PITPNM2: variants seen among roughly 807,000 people sequenced by gnomAD.
PITPNM2 encodes the protein phosphatidylinositol transfer protein membrane associated 2.
PITPNM2 carries 35 observed loss-of-function variants against 132.2 expected under a neutral mutation model. The observed-to-expected ratio is 0.26, with a 90% confidence interval of 0.20 to 0.35. The LOEUF (loss-of-function observed/expected upper bound fraction) is 0.35, where lower values mean the gene tolerates loss of function less well. PITPNM2 is among the 10% of genes least tolerant of loss of function. The probability of loss-of-function intolerance (pLI) is 1.00; values close to 1 mark genes in which losing one functional copy is unlikely to be tolerated. For missense variants in PITPNM2, 1,332 were observed against 1,912.0 expected, an observed-to-expected ratio of 0.70 and a Z score of 5.66; for synonymous variants, 738 against 799.2, an observed-to-expected ratio of 0.92 and a Z score of 1.29.
At chr12:123,068,242 C>T (rs557899063) in intron 2 of PITPNM2, among the ~76,000 whole-genome samples, 259 of 152,136 alleles carry the variant, frequency 1.7e-3, no homozygotes, top group African/African-American at 5.7e-3. Flanking sequence ...CCAAGGTGGG[C>T]GGATCACAAA....
chr12:123,142,424 T>C (rs1248168213), intron 1 of PITPNM2, among the ~76,000 whole-genome samples: 1 of 152,252 alleles, frequency 6.6e-6, no homozygotes, highest in Non-Finnish European at 1.5e-5. Context: ...TCTCGAGTGA[T>C]GCATGCCCAA....
intron 2 of PITPNM2, chr12:123,089,117 C>CAAAA (rs1241583159): frequency 6.6e-6 from 1 of 152,198 alleles, no homozygotes; most frequent in Non-Finnish European, 1.5e-5. Context: ...ACAAGGCACA[C>CAAAA]AAAAAGCCTA....
At chr12:123,139,793 G>C (rs1041255178) in intron 1 of PITPNM2, among the ~76,000 whole-genome samples, 3 of 152,188 alleles carry the variant, frequency 2.0e-5, no homozygotes, top group African/African-American at 7.2e-5. Context: ...CCAGCCCTGA[G>C]ACCTCATTGT....
chr12:123,126,566 G>A (rs978331678), intron 1 of PITPNM2, among the ~76,000 whole-genome samples: 1 of 152,186 alleles, frequency 6.6e-6, no homozygotes, highest in Non-Finnish European at 1.5e-5. Flanking sequence ...AAACCACACT[G>A]AGTGAGTAAA....
At chr12:123,098,308 G>A (rs947800) in intron 2 of PITPNM2, among the ~76,000 whole-genome samples, 2 of 152,154 alleles carry the variant, frequency 1.3e-5, no homozygotes, top group African/African-American at 2.4e-5. Flanking sequence ...GGTGCCAGAT[G>A]TAAGTCAGGA....
At chr12:123,068,053 G>A (rs2041485752) in intron 2 of PITPNM2, among the ~76,000 whole-genome samples, 1 of 152,154 alleles carries the variant, frequency 6.6e-6, no homozygotes. Flanking sequence ...TAGTCATGTG[G>A]CCCAAAGTGC....
Position 123,034,543 on chromosome 12 carries a change from C to A in PITPNM2, c.48G>T (p.Glu16Asp). Residue 16 changes from glutamate (E) to aspartate (D), a missense_variant, in exon 3 of 26, where the codon GAG (glutamate) becomes GAT (aspartate). Glu to Asp is a conservative substitution (Grantham distance 45). Transcript: ENST00000320201. Reference sequence around the variant, plus strand: ...TCATGTACAGCTGGGCGATGCGGTACTCCTCCACGGTCATTGGCAGAGGAA... The same window carrying A: ...TCATGTACAGCTGGGCGATGCGGTAATCCTCCACGGTCATTGGCAGAGGAA... ...YRIPLPMTVE[E>D]YRIAQLYMIQ... 1.2e-6 allele frequency: 2 copies of A among 1,614,194 alleles called. No homozygotes were observed. Among genetic ancestry groups the A allele is most frequent in the Admixed American group, 3.3e-5 (2 of 60,034 alleles).
chr12:123,150,422 G>A lies in PITPNM2; in HGVS notation c.-200+331C>T, dbSNP rs2043707529. 6.6e-6 allele frequency among the ~76,000 whole-genome samples: 1 copy of A among 151,950 alleles called. No homozygotes were observed. Among genetic ancestry groups the A allele is most frequent in the African/African-American group, 2.4e-5 (1 of 41,384 alleles). ...CCGGCACTGCCCACGCCTGCCCCCC[G>A]ACCGCTATGACACTTGTCCCTGGCG... On this transcript the variant is annotated intron_variant, in intron 1 of 25. Coordinates refer to ENST00000320201, the MANE Select transcript of PITPNM2 (RefSeq NM_020845.3). This position sits in a 1 kb window ranked among gnomAD's most constrained non-coding sequence, Gnocchi z 6.0.
chr12:122,997,590 C>G lies in PITPNM2; in HGVS notation c.1225-18G>C, dbSNP rs759943619. ...ACCTCGTCCTGCATGGGTTGGGGGA[C>G]AGTGTCAGCTCCCCAGGGAACCCAG... On this transcript the variant is annotated intron_variant, in intron 10 of 25. Coordinates refer to ENST00000320201, the MANE Select transcript of PITPNM2 (RefSeq NM_020845.3). 1 of 1,600,854 alleles carries G rather than the reference C, an allele frequency of 6.2e-7. No individual in the cohort carries two copies. The highest frequency in any genetic ancestry group is 1.7e-5 in the Admixed American group (1 of 59,774).
At chr12:123,059,663 A>C (rs772309509) in intron 2 of PITPNM2, among the ~76,000 whole-genome samples, 2 of 152,228 alleles carry the variant, frequency 1.3e-5, no homozygotes, top group Non-Finnish European at 2.9e-5. Context: ...GCAGGAAATA[A>C]ATGGTGAGCT....
At chr12:123,016,401 C>T (rs1251530062) in intron 3 of PITPNM2, among the ~76,000 whole-genome samples, 14 of 151,212 alleles carry the variant, frequency 9.3e-5, no homozygotes, top group South Asian at 6.3e-4. Context: ...CTGCAATCTC[C>T]GCCTCCTGGG....
At chr12:123,107,597 C>T (rs1318153924) in intron 2 of PITPNM2, among the ~76,000 whole-genome samples, 1 of 152,192 alleles carries the variant, frequency 6.6e-6, no homozygotes, top group Non-Finnish European at 1.5e-5. Flanking sequence ...GGAAAGATCT[C>T]GTTCTTAGCG....
At chr12:123,029,373 G>C (rs2039988626) in intron 3 of PITPNM2, among the ~76,000 whole-genome samples, 1 of 152,216 alleles carries the variant, frequency 6.6e-6, no homozygotes, top group African/African-American at 2.4e-5. Flanking sequence ...ATCACCTGAG[G>C]TCAGGAGTTC....
intron 2 of PITPNM2, among the ~76,000 whole-genome samples, chr12:123,061,165 T>C (rs559914948): frequency 1.5e-4 from 23 of 152,308 alleles, no homozygotes; most frequent in Admixed American, 2.0e-4. Flanking sequence ...CCCAAAGGTC[T>C]TCACAACGGG....
intron 1 of PITPNM2, among the ~76,000 whole-genome samples, chr12:123,118,665 A>G (rs1224336202): frequency 1.3e-5 from 2 of 152,180 alleles, no homozygotes; most frequent in African/African-American, 4.8e-5. Flanking sequence ...GGAGGAAGCA[A>G]GAGGAAACCA....
rs1270000867 is a variant in PITPNM2 at position 123,111,195 on chromosome 12, G to A, written c.-199-707C>T. On this transcript the variant is annotated intron_variant, in intron 1 of 25. Transcript: ENST00000320201. The surrounding 1 kb of genome is among the most constrained non-coding windows in gnomAD (Gnocchi z 4.1). ...CTCCTACAGGGACCACAGACAAGCC[G>A]GGTAGCCCACCTCGCAGCTCAACAC... Among the ~76,000 whole-genome samples, 3 of 152,208 alleles carry A rather than the reference G, an allele frequency of 2.0e-5. No individual in the cohort carries two copies. Among genetic ancestry groups the A allele is most frequent in the Admixed American group, 1.3e-4 (2 of 15,280 alleles).
At chr12:123,045,408 C>T (rs889080869) in intron 2 of PITPNM2, among the ~76,000 whole-genome samples, 1 of 152,202 alleles carries the variant, frequency 6.6e-6, no homozygotes, top group Non-Finnish European at 1.5e-5. Context: ...AAATGACCTC[C>T]ATGTGGCTAA....
chr12:122,988,135 A>C, intron 20 of PITPNM2, 99 bp downstream of exon 20: 2 of 1,095,164 alleles, frequency 1.8e-6, no homozygotes, highest in Non-Finnish European at 2.7e-6. Context: ...GAAGGTACAT[A>C]AGACTGCAGG....
intron 1 of PITPNM2, among the ~76,000 whole-genome samples, chr12:123,133,386 TC>T (rs1486368335): frequency 6.6e-6 from 1 of 152,206 alleles, no homozygotes; most frequent in Non-Finnish European, 1.5e-5. Context: ...CAATTCTAGT[TC>T]CAGCTCTGGT....
Sources: gnomAD v4.1 joint callset for allele counts (sites outside exome capture counted in the v4.1 genomes callset) on GRCh38, gnomAD v4.1.1 for gene constraint, Gnocchi (gnomAD v3.1) non-coding constraint, MANE v1.5 for transcripts, NCBI Gene and HGNC (gene_info 2026-07-23, HGNC 2026-07-21) for gene names.